Variants in CPXM2 observed in about 807,000 individuals in gnomAD.
CPXM2 encodes the protein carboxypeptidase X, M14 family member 2.
In CPXM2, 66 loss-of-function variants were observed where a neutral mutation model predicts 86.1. The ratio of observed to expected loss-of-function variants is 0.77; its 90% CI spans 0.63 to 0.94. The LOEUF (loss-of-function observed/expected upper bound fraction) is 0.94. Ranked by LOEUF, CPXM2 falls within the 40% of genes least tolerant of loss-of-function variation. CPXM2 has a pLI of 0.00. For synonymous variants in CPXM2, 388 were observed against 400.2 expected, an observed-to-expected ratio of 0.97 and a Z score of 0.36; for missense variants, 948 against 1,026.3, an observed-to-expected ratio of 0.92 and a Z score of 1.04.
At chr10:123,789,235 C>A (rs1312614328) in intron 6 of CPXM2, among the ~76,000 whole-genome samples, 3 of 152,218 alleles carry the variant, frequency 2.0e-5, no homozygotes, top group Non-Finnish European at 4.4e-5. Context: ...TCACCTGATC[C>A]TGGGTCATCA....
chr10:123,798,253 G>GAAAAA (rs11356678), intron 5 of CPXM2, 127 bp from the exon 6 acceptor site: 4 of 376,820 alleles, frequency 1.1e-5, no homozygotes, highest in South Asian at 9.0e-5. Context: ...GCATTGAAAA[G>GAAAAA]AAAAAAAAAA....
chr10:123,881,100 C>A (rs1416444058), intron 1 of CPXM2, among the ~76,000 whole-genome samples: 1 of 151,870 alleles, frequency 6.6e-6, no homozygotes, highest in South Asian at 2.1e-4. Context: ...CTCCTGCTGG[C>A]CCCTTGGCTC....
At chr10:123,815,510 C>A (rs572521665) in intron 4 of CPXM2, among the ~76,000 whole-genome samples, 2 of 152,310 alleles carry the variant, frequency 1.3e-5, no homozygotes, top group East Asian at 3.9e-4. Context: ...CTCTGATGAA[C>A]CTTTTTTGCC....
intron 4 of CPXM2, among the ~76,000 whole-genome samples, chr10:123,818,032 T>C (rs917041049): frequency 1.1e-4 from 16 of 152,220 alleles, no homozygotes; most frequent in African/African-American, 3.9e-4. Flanking sequence ...AGAAGCATGA[T>C]TAGAAAGTTG....
upstream of CPXM2, among the ~76,000 whole-genome samples, chr10:123,892,560 G>A (rs1945293403): frequency 6.6e-6 from 1 of 152,180 alleles, no homozygotes; most frequent in Non-Finnish European, 1.5e-5. Context: ...GGGGATGTGG[G>A]GAACCAGGGA....
chr10:123,755,955 G>C (rs550379399), intron 12 of CPXM2, among the ~76,000 whole-genome samples: 12 of 152,346 alleles, frequency 7.9e-5, no homozygotes, highest in Non-Finnish European at 1.6e-4. Flanking sequence ...AATTCCTTGA[G>C]TGAGAGGTTC....
At chr10:123,779,900 A>C (rs1158533185) in intron 7 of CPXM2, among the ~76,000 whole-genome samples, 2 of 152,174 alleles carry the variant, frequency 1.3e-5, no homozygotes. Context: ...TCAAAAACAC[A>C]ATAATTCTCA....
chr10:123,799,295 A>T, intron 4 of CPXM2, 96 bp from the exon 5 acceptor site: 1 of 1,455,440 alleles, frequency 6.9e-7, no homozygotes, highest in East Asian at 2.3e-5. Context: ...TGCCAGAGGC[A>T]GATGGCACTG....
At chr10:123,940,117 A>G (rs80258763) in intron 1 of CPXM2, 3,944 of 152,364 alleles carry the variant, frequency 0.026, 87 homozygotes, top group East Asian at 0.13. Context: ...GCAGGACCAC[A>G]ACCCCTCCCC....
intron 2 of CPXM2, among the ~76,000 whole-genome samples, chr10:123,911,047 G>A (rs1945484303): frequency 6.6e-6 from 1 of 152,166 alleles, no homozygotes; most frequent in Admixed American, 6.5e-5. Flanking sequence ...AGTCATCCTG[G>A]ATTAAAGCCC....
At chr10:123,846,266 G>A (rs185105220) in intron 3 of CPXM2, among the ~76,000 whole-genome samples, 45 of 152,298 alleles carry the variant, frequency 3.0e-4, no homozygotes, top group Admixed American at 1.9e-3. Flanking sequence ...GCCTGAGCTC[G>A]TTTTCCTGCA....
chr10:123,758,035 C>T (rs903637282), intron 11 of CPXM2, among the ~76,000 whole-genome samples: 2 of 152,140 alleles, frequency 1.3e-5, no homozygotes, highest in African/African-American at 4.8e-5. Flanking sequence ...TTGCCCACAG[C>T]TCCGAATAGA....
chr10:123,918,443 G>C (rs1945552442), intron 2 of CPXM2, among the ~76,000 whole-genome samples: 1 of 152,136 alleles, frequency 6.6e-6, no homozygotes, highest in African/African-American at 2.4e-5. Flanking sequence ...ACAGAGTAGG[G>C]AAAGAAATAA....
intron 4 of CPXM2, among the ~76,000 whole-genome samples, chr10:123,817,348 C>A (rs1847834377): frequency 6.6e-6 from 1 of 152,100 alleles, no homozygotes; most frequent in Admixed American, 6.5e-5. Flanking sequence ...CTTTGGCAGG[C>A]CCTCATAAGT....
chr10:123,846,312 T>C (rs80210960), intron 3 of CPXM2, among the ~76,000 whole-genome samples: 4,760 of 152,318 alleles, frequency 0.031, 260 homozygotes, highest in African/African-American at 0.11. Context: ...TGGGAGACAG[T>C]GACAGATCAT....
At chr10:123,787,580 C>T (rs1168121743) in intron 6 of CPXM2, among the ~76,000 whole-genome samples, 2 of 152,150 alleles carry the variant, frequency 1.3e-5, no homozygotes, top group East Asian at 1.9e-4. Context: ...GTGATTTGTA[C>T]ATGGGACTAT....
chr10:123,848,298 T>A (rs551919380), intron 3 of CPXM2, among the ~76,000 whole-genome samples: 74 of 152,352 alleles, frequency 4.9e-4, no homozygotes, highest in African/African-American at 1.7e-3. Context: ...AGGTGCAATC[T>A]GCTGATCCTT....
intron 2 of CPXM2, among the ~76,000 whole-genome samples, chr10:123,936,619 G>A (rs560834356): frequency 1.4e-4 from 22 of 152,304 alleles, no homozygotes; most frequent in Admixed American, 2.6e-4. Context: ...TGAAGGTCTT[G>A]ACCGAATGTC....
intron 2 of CPXM2, among the ~76,000 whole-genome samples, chr10:123,905,868 C>T (rs578159731): frequency 4.0e-4 from 61 of 152,294 alleles, no homozygotes; most frequent in African/African-American, 1.4e-3. Flanking sequence ...CCATCTCCCC[C>T]TCAGGAGACA....
Sources: gnomAD v4.1 joint callset for allele counts (sites outside exome capture counted in the v4.1 genomes callset) on GRCh38, gnomAD v4.1.1 for gene constraint, MANE v1.5 for transcripts, NCBI Gene and HGNC (gene_info 2026-07-23, HGNC 2026-07-21) for gene names.